SUMF1: variants seen among roughly 807,000 people sequenced by gnomAD.
SUMF1 encodes formylglycine-generating enzyme.
Under a neutral mutation model 47.6 loss-of-function variants are expected in SUMF1, and 48 were observed. The observed-to-expected ratio is 1.01, with a 90% CI of 0.80 to 1.28. The LOEUF is 1.28. Ranked by LOEUF, SUMF1 falls within the 50% of genes most tolerant of loss-of-function variation. The probability of loss-of-function intolerance (pLI) is 0.00; values close to 1 mark genes in which losing one functional copy is unlikely to be tolerated. For missense variants in SUMF1, 571 were observed against 485.4 expected (o/e 1.18, Z -1.66); for synonymous variants, 230 against 192.1 (o/e 1.20, Z -1.63).
rs1324335674 is a variant in SUMF1, at chr3:4,362,092, A to G, written c.*52T>C. ...CGTTCAAAGTTCTGAGAAAAGCCCA[A>G]TGTAGGTCAGACACGACTGCTCCTT... On this transcript the variant is annotated 3_prime_UTR_variant, in exon 9 of 9. Transcript: ENST00000272902. 134 of 1,545,056 alleles carry G rather than the reference A, an allele frequency of 8.7e-5. No individual in the cohort carries two copies. The highest frequency in any genetic ancestry group is 1.1e-4 in the Non-Finnish European group (122 of 1,119,030).
intron 8 of SUMF1, among the ~76,000 whole-genome samples, chr3:4,099,035 C>A (rs1201650271): frequency 1.3e-5 from 2 of 152,092 alleles, no homozygotes; most frequent in African/African-American, 2.4e-5. Context: ...CAGTCCTTAA[C>A]AAGGCAAAAT....
intron 8 of SUMF1, among the ~76,000 whole-genome samples, chr3:4,284,108 G>A (rs1027518918): frequency 3.3e-5 from 5 of 152,018 alleles, no homozygotes; most frequent in East Asian, 3.9e-4. Context: ...AGCTAAGAAC[G>A]CGAAGTGCTA....
intron 9 of SUMF1, among the ~76,000 whole-genome samples, chr3:4,038,866 A>G (rs1694853488): frequency 6.6e-6 from 1 of 152,172 alleles, no homozygotes; most frequent in African/African-American, 2.4e-5. Flanking sequence ...AAATCAAAAG[A>G]GTTCAGGGGT....
At chr3:4,303,503 G>A in intron 8 of SUMF1, 8 of 1,454,766 alleles carry the variant, frequency 5.5e-6, no homozygotes, top group Non-Finnish European at 6.3e-6. Flanking sequence ...GTGGCCCCCG[G>A]GGGCCGCGCC....
chr3:4,227,641 G>A lies in SUMF1; in HGVS notation c.1014+148689C>T, dbSNP rs188240802. ...CAGACCAGAAAAGAGAAACCTTAAT[G>A]GTCTCTAGCCATTGCTCCTTTTCCC... On this transcript the variant is annotated intron_variant and NMD_transcript_variant, in intron 8 of 12. Coordinates refer to the SUMF1 transcript ENST00000448413. Among the ~76,000 whole-genome samples, 245 of 152,182 alleles carry A rather than the reference G, an allele frequency of 1.6e-3. 3 individuals carry two copies. The highest frequency in any genetic ancestry group is 0.012 in the Admixed American group (189 of 15,274).
chr3:4,094,161 G>C (rs781704002), intron 8 of SUMF1, among the ~76,000 whole-genome samples: 9 of 152,078 alleles, frequency 5.9e-5, no homozygotes, highest in Non-Finnish European at 1.2e-4. Flanking sequence ...TGTAGCTTGA[G>C]TGTAGATGAT....
At chr3:4,323,651 A>G (rs711674) in intron 8 of SUMF1, among the ~76,000 whole-genome samples, 80,640 of 152,054 alleles carry the variant, frequency 0.53, 25,100 homozygotes, top group African/African-American at 0.88. Context: ...CCTCTGGTTT[A>G]GAAACTGGTA....
At chr3:4,152,409 A>T (rs11705930) in intron 8 of SUMF1, among the ~76,000 whole-genome samples, 209 of 150,692 alleles carry the variant, frequency 1.4e-3, no homozygotes, top group Non-Finnish European at 2.5e-3. Context: ...CACCTCAGCC[A>T]CCCGAGTAGC....
intron 8 of SUMF1, among the ~76,000 whole-genome samples, chr3:4,253,069 A>G (rs926691387): frequency 1.9e-4 from 29 of 152,286 alleles, no homozygotes; most frequent in African/African-American, 5.3e-4. Flanking sequence ...AAATCTAGCT[A>G]TATGTTATAT....
intron 8 of SUMF1, among the ~76,000 whole-genome samples, chr3:4,086,049 C>T (rs2125049112): frequency 6.6e-6 from 1 of 151,992 alleles, no homozygotes; most frequent in Non-Finnish European, 1.5e-5. Flanking sequence ...AAGCCAATTG[C>T]CTCCAACAAG....
chr3:4,285,220 A>G (rs1309046111), intron 8 of SUMF1, among the ~76,000 whole-genome samples: 1 of 152,204 alleles, frequency 6.6e-6, no homozygotes, highest in African/African-American at 2.4e-5. Context: ...AAGTAGTTTG[A>G]CTTAATAGTA....
intron 8 of SUMF1, among the ~76,000 whole-genome samples, chr3:4,073,387 A>C (rs1331643331): frequency 2.0e-5 from 3 of 152,206 alleles, no homozygotes; most frequent in Non-Finnish European, 4.4e-5. Context: ...AAACATGCCA[A>C]ACTGTAAAGA....
At position 4,335,960 on chromosome 3, in the gene SUMF1, C is replaced by CAAAAAAAAAAAAAA. The variant is rs770091674; in HGVS notation, c.1014+40356_1014+40369dup. Reference sequence around the variant, plus strand: ...TGGACAACTGAGTGAGATTCCAACTCAAAAAAAAAAAAAAAAAAAACAGAA... The same window carrying CAAAAAAAAAAAAAA: ...TGGACAACTGAGTGAGATTCCAACTCAAAAAAAAAAAAAAAAAAAAAAAAAAAAAAAAAACAGAA... On this transcript the variant is annotated intron_variant and NMD_transcript_variant, in intron 8 of 12. Transcript: ENST00000448413. 2.4e-3 allele frequency among the ~76,000 whole-genome samples: 178 copies of CAAAAAAAAAAAAAA among 73,854 alleles called. 8 individuals carry two copies. Among genetic ancestry groups the CAAAAAAAAAAAAAA allele is most frequent in the African/African-American group, 5.0e-3 (71 of 14,086 alleles). 48.5% of individuals were successfully genotyped at this position (73,854 alleles called of 152,430 possible).
chr3:4,222,374 C>T (rs147038097), intron 8 of SUMF1, among the ~76,000 whole-genome samples: 307 of 152,090 alleles, frequency 2.0e-3, no homozygotes, highest in Non-Finnish European at 3.5e-3. Context: ...GCACAAGATA[C>T]GGTTCTCATC....
At chr3:4,272,728 G>A (rs545113677) in intron 8 of SUMF1, among the ~76,000 whole-genome samples, 13 of 152,160 alleles carry the variant, frequency 8.5e-5, no homozygotes, top group Middle Eastern at 6.8e-3. Flanking sequence ...ATAAATATAC[G>A]AAATGATGCA....
intron 8 of SUMF1, among the ~76,000 whole-genome samples, chr3:4,310,549 T>A (rs1698363372): frequency 6.6e-6 from 1 of 152,204 alleles, no homozygotes; most frequent in Admixed American, 6.5e-5. Flanking sequence ...AGTCTCTGTT[T>A]TCTTTTGGAA....
intron 3 of SUMF1, among the ~76,000 whole-genome samples, chr3:4,442,952 A>G (rs1032955929): frequency 3.9e-4 from 54 of 138,032 alleles, no homozygotes; most frequent in African/African-American, 1.7e-3. Context: ...GAAATGCTCA[A>G]AAAAAAAAAA....
At chr3:4,048,419 A>G (rs1047216503) in intron 9 of SUMF1, among the ~76,000 whole-genome samples, 2 of 152,200 alleles carry the variant, frequency 1.3e-5, no homozygotes, top group African/African-American at 4.8e-5. Context: ...CCTTGAGCAG[A>G]GTCTTATGGC....
intron 3 of SUMF1, among the ~76,000 whole-genome samples, chr3:4,422,790 T>C (rs1011086056): frequency 7.9e-5 from 12 of 152,004 alleles, no homozygotes; most frequent in African/African-American, 2.9e-4. Flanking sequence ...AAAAAAATTA[T>C]GTATTTATTT....
Sources: gnomAD v4.1 joint callset for allele counts (sites outside exome capture counted in the v4.1 genomes callset) on GRCh38, gnomAD v4.1.1 for gene constraint, MANE v1.5 for transcripts, NCBI Gene and HGNC (gene_info 2026-07-23, HGNC 2026-07-21) for gene names.